Variants in IMMP2L observed in about 807,000 individuals in gnomAD.
The protein encoded by IMMP2L is mitochondrial inner membrane protease subunit 2.
Under a neutral mutation model 19.3 loss-of-function variants are expected in IMMP2L, and 18 were observed. The ratio of observed to expected loss-of-function variants is 0.93; its 90% CI spans 0.64 to 1.38. The LOEUF is 1.38. IMMP2L is among the 40% of genes most tolerant of loss of function. IMMP2L has a pLI of 0.00. For synonymous variants in IMMP2L, 76 were observed against 73.0 expected (o/e 1.04, Z -0.21); for missense variants, 233 against 218.2 (o/e 1.07, Z -0.43).
intron 3 of IMMP2L, among the ~76,000 whole-genome samples, chr7:111,067,521 A>G (rs145558940): frequency 8.1e-4 from 124 of 152,334 alleles, no homozygotes; most frequent in African/African-American, 2.9e-3. Flanking sequence ...TTTGATACCA[A>G]GTCACTGCTC....
intron 5 of IMMP2L, among the ~76,000 whole-genome samples, chr7:110,754,027 A>G (rs1026466339): frequency 6.6e-6 from 1 of 151,984 alleles, no homozygotes; most frequent in African/African-American, 2.4e-5. Flanking sequence ...TGAAACCATC[A>G]TCACATTTAT....
intron 5 of IMMP2L, among the ~76,000 whole-genome samples, chr7:110,819,140 C>A (rs1300725512): frequency 6.6e-6 from 1 of 151,698 alleles, no homozygotes; most frequent in Non-Finnish European, 1.5e-5. Flanking sequence ...AAAAAAAAAT[C>A]AGTTCTGACT....
chr7:111,148,340 T>C (rs1803703142), intron 3 of IMMP2L, among the ~76,000 whole-genome samples: 1 of 152,050 alleles, frequency 6.6e-6, no homozygotes, highest in African/African-American at 2.4e-5. Context: ...AAGTAGACAG[T>C]GCTTGCTAGC....
In IMMP2L at chr7:111,304,787, T is replaced by G. The variant is rs184409546; in HGVS notation, c.239+182451A>C. On this transcript the variant is annotated intron_variant, in intron 3 of 5. Coordinates refer to ENST00000405709, the MANE Select transcript of IMMP2L (RefSeq NM_032549.4). ...GCCCAAAATCAAGATGACCCACATG[T>G]TACTTTAAAAAATATATAATTAGAA... is the stretch of plus-strand genomic sequence containing the variant. Among the ~76,000 whole-genome samples, 761 of 150,874 alleles carry G rather than the reference T, an allele frequency of 5.0e-3. 8 individuals are homozygous for G. Among genetic ancestry groups the G allele is most frequent in the African/African-American group, 0.018 (735 of 41,210 alleles).
chr7:111,392,291 C>A (rs1234367190), intron 3 of IMMP2L, among the ~76,000 whole-genome samples: 1 of 152,146 alleles, frequency 6.6e-6, no homozygotes, highest in Non-Finnish European at 1.5e-5. Context: ...TCAATGCCCC[C>A]ACCCACTGGA....
chr7:111,123,031 T>C lies in IMMP2L; in HGVS notation c.240-159466A>G. 6.2e-7 allele frequency: 1 copy of C among 1,613,904 alleles called. No homozygotes were observed. Among genetic ancestry groups the C allele is most frequent in the South Asian group, 1.1e-5 (1 of 91,076 alleles). On this transcript the variant is annotated intron_variant, in intron 3 of 5. Transcript: ENST00000405709. This position sits in a 1 kb window ranked among gnomAD's most constrained non-coding sequence, Gnocchi z 6.4. ...TAACAATATTGCAAAAATTGAATAC[T>C]CCACAGACTTTCCAGTAAACCTTAC...
At chr7:110,929,054 T>C (rs1414757103) in intron 4 of IMMP2L, among the ~76,000 whole-genome samples, 2 of 152,074 alleles carry the variant, frequency 1.3e-5, no homozygotes, top group South Asian at 4.1e-4. Context: ...GTAAAAGAAG[T>C]AGCAGAAAAT....
intron 3 of IMMP2L, among the ~76,000 whole-genome samples, chr7:111,365,138 G>C (rs1472627657): frequency 1.3e-5 from 2 of 152,028 alleles, no homozygotes; most frequent in African/African-American, 4.8e-5. Context: ...TTCTGCTGCT[G>C]AACTTTTAAA....
chr7:110,758,011 T>C lies in IMMP2L; in HGVS notation c.409-94290A>G, dbSNP rs543049454. On this transcript the variant is annotated intron_variant, in intron 5 of 5. Coordinates refer to ENST00000405709, the MANE Select transcript of IMMP2L (RefSeq NM_032549.4). The surrounding 1 kb of genome is among the most constrained non-coding windows in gnomAD (Gnocchi z 4.6). ...TTTCATTCATTTAAAGCTTGAAATT[T>C]CTACTAACCACCAAGTAAATATGAG... 2.6e-5 allele frequency among the ~76,000 whole-genome samples: 4 copies of C among 152,262 alleles called. No homozygotes were observed. The highest frequency in any genetic ancestry group is 6.5e-5 in the Admixed American group (1 of 15,268).
chr7:111,343,885 C>A (rs549836751), intron 3 of IMMP2L, among the ~76,000 whole-genome samples: 67 of 152,188 alleles, frequency 4.4e-4, no homozygotes, highest in Non-Finnish European at 8.5e-4. Flanking sequence ...TGTGGTACAA[C>A]CATCATTTAC....
At position 111,024,797 on chromosome 7, in the gene IMMP2L, A is replaced by C. The variant is rs7779398; in HGVS notation, c.240-61232T>G. The stretch of plus-strand genomic sequence containing the variant: ...ACTTTAGCACCATTTACCTGTGCAG[A>C]AAGAAAAATAGCAGAGAGAAGATAC... On this transcript the variant is annotated intron_variant, in intron 3 of 5. Transcript: ENST00000405709. 4.5e-3 allele frequency among the ~76,000 whole-genome samples: 692 copies of C among 152,316 alleles called. 7 individuals carry two copies. The highest frequency in any genetic ancestry group is 0.015 in the African/African-American group (638 of 41,556).
At chr7:110,921,648 C>T (rs1403372331) in intron 4 of IMMP2L, among the ~76,000 whole-genome samples, 2 of 152,140 alleles carry the variant, frequency 1.3e-5, no homozygotes, top group Non-Finnish European at 2.9e-5. Flanking sequence ...CTTCTGTTCT[C>T]CTATTCAGAC....
At chr7:110,817,925 A>T (rs1802679147) in intron 5 of IMMP2L, among the ~76,000 whole-genome samples, 1 of 152,274 alleles carries the variant, frequency 6.6e-6, no homozygotes, top group Non-Finnish European at 1.5e-5. Context: ...GAAAGCTGAA[A>T]CTGGATCCCT....
At chr7:110,801,569 T>A (rs1253141140) in intron 5 of IMMP2L, among the ~76,000 whole-genome samples, 2 of 152,092 alleles carry the variant, frequency 1.3e-5, no homozygotes, top group Non-Finnish European at 2.9e-5. Context: ...TTCCTATTTA[T>A]GCTGTTACAA....
At chr7:110,987,814 C>T (rs957035308) in intron 3 of IMMP2L, among the ~76,000 whole-genome samples, 2 of 152,126 alleles carry the variant, frequency 1.3e-5, no homozygotes, top group Admixed American at 6.6e-5. Flanking sequence ...TAGTTAAGAA[C>T]CATTACATTC....
At chr7:111,183,462 A>C (rs1477427178) in intron 3 of IMMP2L, among the ~76,000 whole-genome samples, 1 of 152,120 alleles carries the variant, frequency 6.6e-6, no homozygotes, top group Non-Finnish European at 1.5e-5. Flanking sequence ...AAAAGAGTTT[A>C]TATTTTAGGC....
chr7:110,773,295 C>A (rs1338016046), intron 5 of IMMP2L, among the ~76,000 whole-genome samples: 2 of 152,122 alleles, frequency 1.3e-5, no homozygotes, highest in African/African-American at 4.8e-5. Context: ...GATAATCTTG[C>A]AACTGCTTCA....
intron 3 of IMMP2L, among the ~76,000 whole-genome samples, chr7:111,059,163 C>T (rs549075595): frequency 2.6e-5 from 4 of 151,944 alleles, no homozygotes; most frequent in African/African-American, 9.6e-5. Context: ...TTTATATTTT[C>T]AGTAGAGACA....
At chr7:111,479,319 G>GATAT (rs149874690) in intron 3 of IMMP2L, among the ~76,000 whole-genome samples, 1 of 151,982 alleles carries the variant, frequency 6.6e-6, no homozygotes, top group Admixed American at 6.6e-5. Context: ...AATGCCTTTA[G>GATAT]ATATATATAT....
Sources: gnomAD v4.1 joint callset for allele counts (sites outside exome capture counted in the v4.1 genomes callset) on GRCh38, gnomAD v4.1.1 for gene constraint, Gnocchi (gnomAD v3.1) non-coding constraint, MANE v1.5 for transcripts, NCBI Gene and HGNC (gene_info 2026-07-23, HGNC 2026-07-21) for gene names.